Variants in LDHC observed in about 807,000 individuals in gnomAD.
The protein encoded by LDHC is lactate dehydrogenase C.
In LDHC, 20 loss-of-function variants were observed where a neutral mutation model predicts 30.2. The observed-to-expected ratio is 0.66, with a 90% CI of 0.47 to 0.96. LDHC has a LOEUF of 0.96. Among genes scored for constraint, LDHC ranks in the 40% least tolerant of loss-of-function variants. LDHC has a pLI of 0.00. For missense variants in LDHC, 362 were observed against 394.9 expected, an observed-to-expected ratio of 0.92 and a Z score of 0.71; for synonymous variants, 139 against 132.7, an observed-to-expected ratio of 1.05 and a Z score of -0.32.
intron 7 of LDHC, 38 bp downstream of exon 7, chr11:18,446,371 T>TAAA: frequency 6.9e-7 from 1 of 1,457,006 alleles, no homozygotes; most frequent in Admixed American, 1.7e-5. Context: ...CATTCTTTCC[T>TAAA]TTAATATTTA....
intron 3 of LDHC, among the ~76,000 whole-genome samples, chr11:18,424,009 G>A (rs1451051142): frequency 4.8e-5 from 4 of 82,958 alleles, no homozygotes; most frequent in Admixed American, 1.3e-4. Context: ...ATTGGTAGAA[G>A]TGTGATAGTA....
At chr11:18,442,810 G>A (rs937639049) in intron 6 of LDHC, among the ~76,000 whole-genome samples, 2 of 151,732 alleles carry the variant, frequency 1.3e-5, no homozygotes, top group East Asian at 1.9e-4. Context: ...CTACAGGAGT[G>A]TACCACCACA....
chr11:18,421,990 G>T (rs555220784), intron 3 of LDHC, among the ~76,000 whole-genome samples: 1 of 151,106 alleles, frequency 6.6e-6, no homozygotes, highest in Non-Finnish European at 1.5e-5. Flanking sequence ...TGCATGTGGT[G>T]GTGCACACCT....
chr11:18,435,183 A>AT (rs1848335273), intron 5 of LDHC, among the ~76,000 whole-genome samples: 2 of 151,826 alleles, frequency 1.3e-5, no homozygotes, highest in African/African-American at 4.8e-5. Flanking sequence ...ATTTATTGTG[A>AT]TTTTTTAAAA....
intron 6 of LDHC, among the ~76,000 whole-genome samples, chr11:18,440,928 A>G (rs114330751): frequency 0.15 from 22,399 of 151,150 alleles, 1,853 homozygotes; most frequent in African/African-American, 0.21. Flanking sequence ...AGCAGAGAAA[A>G]ATCCTGTCTC....
intron 4 of LDHC, among the ~76,000 whole-genome samples, chr11:18,432,268 G>A (rs1565052344): frequency 1.3e-5 from 2 of 152,108 alleles, no homozygotes; most frequent in South Asian, 2.1e-4. Context: ...GTATTTGCAT[G>A]GTTTTGAAGG....
At chr11:18,439,061 C>A (rs1196907008) in intron 6 of LDHC, among the ~76,000 whole-genome samples, 1 of 152,172 alleles carries the variant, frequency 6.6e-6, no homozygotes, top group Non-Finnish European at 1.5e-5. Flanking sequence ...GTTAATACTA[C>A]ATGTAAAATG....
intron 5 of LDHC, among the ~76,000 whole-genome samples, chr11:18,436,705 C>T (rs946256873): frequency 2.6e-5 from 4 of 151,708 alleles, no homozygotes; most frequent in South Asian, 2.1e-4. Flanking sequence ...AGGCTGGTCT[C>T]GAACTCTTGA....
chr11:18,438,164 G>A (rs1032436092), intron 5 of LDHC, among the ~76,000 whole-genome samples: 1 of 152,168 alleles, frequency 6.6e-6, no homozygotes. Flanking sequence ...TGCTCTTGAT[G>A]AGGACCTCAG....
intron 3 of LDHC, among the ~76,000 whole-genome samples, chr11:18,425,889 C>T (rs932605741): frequency 6.6e-6 from 1 of 151,336 alleles, no homozygotes; most frequent in South Asian, 2.1e-4. Flanking sequence ...TGCAGTGAGC[C>T]GAGATCGCGC....
Position 18,412,625 on chromosome 11 carries a change from G to A in LDHC, c.-9-84G>A, listed in dbSNP as rs902776719. 38 of 1,277,354 alleles carry A rather than the reference G, an allele frequency of 3.0e-5. 1 individual carries two copies. In the African/African-American group the frequency reaches 3.2e-4, roughly 11 times the overall value. The allele number at this position is 1,277,354 out of a possible 1,614,324, so 79.1% of individuals were successfully genotyped here. A position where few individuals can be genotyped will look rare whatever the true frequency, so the allele number is the denominator to read the frequency against. Reference sequence around the variant, plus strand: ...CTTTCTTTGGCTTCCCCCCATCCCCGGCTCCAACATTCTGCAAACTGAAGA... The same window carrying A: ...CTTTCTTTGGCTTCCCCCCATCCCCAGCTCCAACATTCTGCAAACTGAAGA... On this transcript the variant is annotated intron_variant, in intron 1 of 7. Transcript: ENST00000541669.
At chr11:18,446,409 G>A (rs1848557653) in intron 7 of LDHC, 76 bp downstream of exon 7, 1 of 1,076,500 alleles carries the variant, frequency 9.3e-7, no homozygotes, top group South Asian at 1.3e-5. Flanking sequence ...GCCAGGCAGT[G>A]TACAAGATGT....
chr11:18,435,492 C>T (rs1446186468), intron 5 of LDHC, among the ~76,000 whole-genome samples: 1 of 151,874 alleles, frequency 6.6e-6, no homozygotes, highest in African/African-American at 2.4e-5. Context: ...TTCCTGAGGC[C>T]TCTCAGGAAG....
chr11:18,429,601 A>G (rs187263406), intron 3 of LDHC, 136 bp from the exon 4 acceptor site: 13 of 464,968 alleles, frequency 2.8e-5, no homozygotes, highest in Non-Finnish European at 4.4e-5. Context: ...AAGTCCGTTC[A>G]TCTCCAAAAT....
At position 18,443,160 on chromosome 11, in the gene LDHC, A is replaced by G. The variant is rs144071281; in HGVS notation, c.711-3050A>G. Among the ~76,000 whole-genome samples, 57 of 152,296 alleles carry G rather than the reference A, an allele frequency of 3.7e-4. 1 individual carries two copies. The highest frequency in any genetic ancestry group is 1.3e-3 in the African/African-American group (55 of 41,568). On this transcript the variant is annotated intron_variant, in intron 6 of 7. Coordinates refer to ENST00000541669, the MANE Select transcript of LDHC (RefSeq NM_017448.5). ...GTTAAATTAATCCCTAGAAAACACA[A>G]TATGTATTAATATTACAGTATCTTT...
chr11:18,429,483 G>A (rs917688255), intron 3 of LDHC, among the ~76,000 whole-genome samples: 1 of 152,056 alleles, frequency 6.6e-6, no homozygotes, highest in Non-Finnish European at 1.5e-5. Flanking sequence ...AGGGGAATTT[G>A]GGCAAAAGGG....
At chr11:18,422,992 AAG>A (rs1277465086) in intron 3 of LDHC, among the ~76,000 whole-genome samples, 1 of 122,326 alleles carries the variant, frequency 8.2e-6, no homozygotes, top group Non-Finnish European at 1.8e-5. Flanking sequence ...AACCAAAAAA[AAG>A]AAAACAACAA....
intron 3 of LDHC, among the ~76,000 whole-genome samples, chr11:18,418,957 G>A (rs565260635): frequency 3.9e-5 from 6 of 152,186 alleles, no homozygotes; most frequent in Non-Finnish European, 7.3e-5. Context: ...CTGCAGCTCT[G>A]ATTGCTCTTT....
chr11:18,449,581 G>A (rs950060750), intron 7 of LDHC, among the ~76,000 whole-genome samples: 1 of 152,160 alleles, frequency 6.6e-6, no homozygotes, highest in Non-Finnish European at 1.5e-5. Flanking sequence ...ATGCCAAAGT[G>A]GAAGGAATGT....
Sources: gnomAD v4.1 joint callset for allele counts (sites outside exome capture counted in the v4.1 genomes callset) on GRCh38, gnomAD v4.1.1 for gene constraint, MANE v1.5 for transcripts, NCBI Gene and HGNC (gene_info 2026-07-23, HGNC 2026-07-21) for gene names.